CACNA1B: variants seen among roughly 807,000 people sequenced by gnomAD.
CACNA1B encodes calcium voltage-gated channel subunit alpha1 B, also known as voltage-dependent N-type calcium channel subunit alpha-1B.
A neutral mutation model predicts 247.2 loss-of-function variants in CACNA1B; 70 were observed. The observed-to-expected ratio is 0.28, with a 90% CI of 0.23 to 0.35. The LOEUF (loss-of-function observed/expected upper bound fraction) is 0.35, where lower values mean the gene tolerates loss of function less well. Among genes scored for constraint, CACNA1B ranks in the 10% least tolerant of loss-of-function variants. The pLI is 1.00. For synonymous variants in CACNA1B, 1,231 were observed against 1,294.4 expected (o/e 0.95, Z 1.05); for missense variants, 2,367 against 3,197.4 (o/e 0.74, Z 6.26).
In CACNA1B at chr9:138,052,100, A is replaced by G; in HGVS notation, c.3719A>G (p.Lys1240Arg). The change falls in exon 25 of 47, where the codon AAA becomes AGA. Residue 1240 changes from lysine to arginine, a missense_variant. Physicochemically the swap from Lys to Arg is conservative, Grantham distance 26. Around this residue, in one of 12 missense-constraint regions of CACNA1B, gnomAD observed 436 missense variants for 679.5 expected, o/e 0.64. Transcript: ENST00000371372. The surrounding 1 kb of genome is among the most constrained non-coding windows in gnomAD (Gnocchi z 5.1). ...TGGCTTCTCCCTTCTAGAGGATCCA[A>G]AGGGAAAGACATCAATACCATCAAG... ...ALVAFAFSGS[K>R]GKDINTIKSL... The G allele has an allele frequency of 1.2e-6, 2 of 1,604,778 alleles. No individual in the cohort carries two copies. The highest frequency in any genetic ancestry group is 8.5e-7 in the Non-Finnish European group (1 of 1,172,032).
At chr9:137,934,421 C>T (rs138446888) in intron 6 of CACNA1B, among the ~76,000 whole-genome samples, 11 of 152,280 alleles carry the variant, frequency 7.2e-5, no homozygotes, top group African/African-American at 2.4e-4. Flanking sequence ...TCATGGCAGA[C>T]GGGAGGCAGG....
At position 138,120,360 on chromosome 9, in the gene CACNA1B, G is replaced by A. The variant is rs200335318; in HGVS notation, c.6226G>A (p.Asp2076Asn). ...SLEKGPSLSA[D>N]MDGAPSSAVG... Reference sequence around the variant, plus strand: ...GGAGAAGGGGCCCAGCCTGTCTGCCGATATGGATGGCGGTGCGTGCGGAGG... The same window carrying A: ...GGAGAAGGGGCCCAGCCTGTCTGCCAATATGGATGGCGGTGCGTGCGGAGG... Residue 2076 changes from aspartate to asparagine, a missense_variant, in exon 45 of 47, where the codon GAT becomes AAT. Transcript: ENST00000371372. 165 of 1,554,106 alleles carry A rather than the reference G, an allele frequency of 1.1e-4. No individual in the cohort carries two copies. The East Asian group carries it at 2.7e-3, about 25-fold the overall frequency.
intron 7 of CACNA1B, among the ~76,000 whole-genome samples, chr9:137,953,586 C>T (rs539021391): frequency 5.3e-5 from 8 of 152,306 alleles, no homozygotes; most frequent in African/African-American, 1.4e-4. Context: ...GGAAATAGAA[C>T]TCCTAGCCTG....
At position 138,072,823 on chromosome 9, in the gene CACNA1B, A is replaced by G. The variant is rs1348719931; in HGVS notation, c.4675-665A>G. On this transcript the variant is annotated intron_variant, in intron 32 of 46. Coordinates refer to ENST00000371372, the MANE Select transcript of CACNA1B (RefSeq NM_000718.4). This position sits in a 1 kb window ranked among gnomAD's most constrained non-coding sequence, Gnocchi z 4.5. ...CCCTTGGATGAGGGAGCTCCACTAG[A>G]CAGCCTGGGCTCTCTAGAGCAGAGG... Among the ~76,000 whole-genome samples, 1 of 152,218 alleles carries G rather than the reference A, an allele frequency of 6.6e-6. No individual in the cohort carries two copies. The highest frequency in any genetic ancestry group is 1.5e-5 in the Non-Finnish European group (1 of 68,028).
chr9:137,943,951 C>G (rs543309947), intron 6 of CACNA1B, among the ~76,000 whole-genome samples: 2 of 152,334 alleles, frequency 1.3e-5, no homozygotes, highest in East Asian at 3.9e-4. Context: ...CATATAACCT[C>G]CAGTGGAATA....
chr9:137,973,255 C>G lies in CACNA1B; in HGVS notation c.1543+1663C>G, dbSNP rs192374544. Among the ~76,000 whole-genome samples, 15 of 152,258 alleles carry G rather than the reference C, an allele frequency of 9.9e-5. No homozygotes were observed. Among genetic ancestry groups the G allele is most frequent in the Admixed American group, 8.5e-4 (13 of 15,300 alleles). On this transcript the variant is annotated intron_variant, in intron 11 of 46. Coordinates refer to ENST00000371372, the MANE Select transcript of CACNA1B (RefSeq NM_000718.4). The surrounding 1 kb of genome is among the most constrained non-coding windows in gnomAD (Gnocchi z 4.1). ...CCTGGAGTTCCTGGCTTCATTGTGT[C>G]ACTGAGGGAAAAATGGCTGGAGGGA... is the stretch of plus-strand genomic sequence containing the variant.
intron 37 of CACNA1B, among the ~76,000 whole-genome samples, chr9:138,097,965 G>A (rs2131343992): frequency 6.6e-6 from 1 of 152,276 alleles, no homozygotes; most frequent in African/African-American, 2.4e-5. Context: ...GTGCTGCACG[G>A]GCCCTTCCCA....
In CACNA1B at chr9:137,971,407, TCAAGAG is replaced by T; in HGVS notation, c.1360_1365del (p.Lys454_Ser455del). 6.2e-7 allele frequency: 1 copy of T among 1,612,970 alleles called. No homozygotes were observed. Among genetic ancestry groups the T allele is most frequent in the Non-Finnish European group, 8.5e-7 (1 of 1,179,456 alleles). The stretch of plus-strand genomic sequence containing the variant: ...GGATCCCCCTTCGCCCGCGCCAGCC[TCAAGAG>T]CGGGAAGACAGAGAGCTCGTCATAC... On this transcript the variant is annotated inframe_deletion, in exon 11 of 47. Transcript: ENST00000371372. This position sits in a 1 kb window ranked among gnomAD's most constrained non-coding sequence, Gnocchi z 4.4.
intron 3 of CACNA1B, among the ~76,000 whole-genome samples, chr9:137,908,208 T>A (rs938050256): frequency 6.6e-6 from 1 of 152,200 alleles, no homozygotes; most frequent in Non-Finnish European, 1.5e-5. Context: ...TCTGCTGAGG[T>A]CTTTTATTAA....
chr9:138,078,625 G>T (rs1008131571), intron 36 of CACNA1B, among the ~76,000 whole-genome samples: 3 of 152,148 alleles, frequency 2.0e-5, no homozygotes, highest in Non-Finnish European at 4.4e-5. Context: ...GGCAGGGCAG[G>T]CCCCAGAGGT....
intron 36 of CACNA1B, among the ~76,000 whole-genome samples, chr9:138,083,020 A>G (rs1013368729): frequency 6.6e-6 from 1 of 150,886 alleles, no homozygotes; most frequent in Non-Finnish European, 1.5e-5. Context: ...AGCAGCCCCC[A>G]TCACCATCTC....
chr9:138,033,330 A>G (rs1959006841), intron 20 of CACNA1B, among the ~76,000 whole-genome samples: 1 of 151,922 alleles, frequency 6.6e-6, no homozygotes, highest in African/African-American at 2.4e-5. Context: ...TCTGTTGAGC[A>G]TTTTTATAAT....
chr9:138,028,497 A>C (rs1400865184), intron 20 of CACNA1B, among the ~76,000 whole-genome samples: 1 of 152,214 alleles, frequency 6.6e-6, no homozygotes, highest in Non-Finnish European at 1.5e-5. Context: ...GCTAGTAATA[A>C]GCAATTGCTT....
In CACNA1B at chr9:138,015,963, CACACAGGCACACAG is replaced by C. The variant is rs770676097; in HGVS notation, c.2267+2731_2267+2744del. ...TCACAAATACATATAGGCAAGCACA[CACACAGGCACACAG>C]ACTCACATACACACTTATACACAAG... On this transcript the variant is annotated intron_variant, in intron 18 of 46. Coordinates refer to ENST00000371372, the MANE Select transcript of CACNA1B (RefSeq NM_000718.4). 2.0e-4 allele frequency among the ~76,000 whole-genome samples: 30 copies of C among 152,212 alleles called. No homozygotes were observed. The Middle Eastern group carries it at 0.01, about 52-fold the overall frequency.
At chr9:137,947,246 G>A (rs1957807308) in intron 6 of CACNA1B, among the ~76,000 whole-genome samples, 1 of 152,140 alleles carries the variant, frequency 6.6e-6, no homozygotes, top group South Asian at 2.1e-4. Context: ...GATTGGTTGT[G>A]GGAGGTGACC....
At position 137,881,320 on chromosome 9, in the gene CACNA1B, G is replaced by A. The variant is rs1956916908; in HGVS notation, c.391-1424G>A. The stretch of plus-strand genomic sequence containing the variant: ...GCTTCTACCAGGTACTGCCAGCCAA[G>A]CCTTGGGCCAGCTCCACCACAGGAC... On this transcript the variant is annotated intron_variant, in intron 2 of 46. Coordinates refer to ENST00000371372, the MANE Select transcript of CACNA1B (RefSeq NM_000718.4). The surrounding 1 kb of genome is among the most constrained non-coding windows in gnomAD (Gnocchi z 4.3). Among the ~76,000 whole-genome samples the A allele has an allele frequency of 6.6e-6, 1 of 152,182 alleles. No individual in the cohort carries two copies. Among genetic ancestry groups the A allele is most frequent in the South Asian group, 2.1e-4 (1 of 4,824 alleles).
At chr9:138,043,745 C>A in intron 20 of CACNA1B, 29 bp from the exon 21 acceptor site, 1 of 1,613,562 alleles carries the variant, frequency 6.2e-7, no homozygotes, top group Non-Finnish European at 8.5e-7. Context: ...GCACTACACC[C>A]CTTACTCGGG....
intron 6 of CACNA1B, among the ~76,000 whole-genome samples, chr9:137,921,994 CG>C: frequency 6.8e-6 from 1 of 147,270 alleles, no homozygotes; most frequent in Admixed American, 6.8e-5. Flanking sequence ...ATCAGCACCG[CG>C]ACCGCACAGC....
intron 26 of CACNA1B, among the ~76,000 whole-genome samples, chr9:138,056,283 A>G (rs186416927): frequency 2.3e-3 from 356 of 152,342 alleles, no homozygotes; most frequent in African/African-American, 8.1e-3. Flanking sequence ...TCTGTTTTTA[A>G]TCTCTGTAAA....
Sources: gnomAD v4.1 joint callset for allele counts (sites outside exome capture counted in the v4.1 genomes callset) on GRCh38, gnomAD v4.1.1 for gene constraint, gnomAD v4.1.1 regional missense constraint, Gnocchi (gnomAD v3.1) non-coding constraint, MANE v1.5 for transcripts, NCBI Gene and HGNC (gene_info 2026-07-23, HGNC 2026-07-21) for gene names.